The following EFEMP1 variants were observed in gnomAD, a reference collection of about 807,000 sequenced individuals.
EFEMP1 encodes the protein EGF-like fibulin extracellular matrix protein 1, also known as EGF-containing fibulin-like extracellular matrix protein 1.
Under a neutral mutation model 65.7 loss-of-function variants are expected in EFEMP1, and 18 were observed. That is an observed-to-expected ratio of 0.27 (90% confidence interval 0.19 to 0.41). The LOEUF is 0.41. Ranked by LOEUF, EFEMP1 falls within the 10% of genes least tolerant of loss-of-function variation. EFEMP1 has a pLI of 1.00. For missense variants in EFEMP1, 469 were observed against 624.8 expected (o/e 0.75, Z 2.66); for synonymous variants, 237 against 219.7 (o/e 1.08, Z -0.70).
rs1327740163 is a variant in EFEMP1 at position 55,886,571 on chromosome 2, C to A, written c.518-4837G>T. On this transcript the variant is annotated intron_variant, in intron 5 of 11. Coordinates refer to ENST00000355426, the MANE Select transcript of EFEMP1 (RefSeq NM_001039348.3). The surrounding 1 kb of genome is among the most constrained non-coding windows in gnomAD (Gnocchi z 4.0). ...AGAAAAATGGTCAAGGTAAAGGATT[C>A]ATGTTTGTTAGAAGGAAGAGCTTCT... Among the ~76,000 whole-genome samples, 1 of 152,166 alleles carries A rather than the reference C, an allele frequency of 6.6e-6. No homozygotes were observed. The highest frequency in any genetic ancestry group is 1.5e-5 in the Non-Finnish European group (1 of 67,998).
Position 55,871,387 on chromosome 2 carries a change from A to T in EFEMP1, c.1001-264T>A, listed in dbSNP as rs994326917. 2.0e-5 allele frequency among the ~76,000 whole-genome samples: 3 copies of T among 152,172 alleles called. No homozygotes were observed. The highest frequency in any genetic ancestry group is 4.4e-5 in the Non-Finnish European group (3 of 68,020). The stretch of plus-strand genomic sequence containing the variant: ...GTTCATCTGTTGAATTCAAACCCCA[A>T]TGTTAACCACTGACTCTGCCTATAT... On this transcript the variant is annotated intron_variant, in intron 9 of 11. Coordinates refer to ENST00000355426, the MANE Select transcript of EFEMP1 (RefSeq NM_001039348.3). This position sits in a 1 kb window ranked among gnomAD's most constrained non-coding sequence, Gnocchi z 4.2.
intron 5 of EFEMP1, among the ~76,000 whole-genome samples, chr2:55,898,139 G>C (rs543234227): frequency 6.6e-6 from 1 of 152,298 alleles, no homozygotes; most frequent in South Asian, 2.1e-4. Context: ...GAGGCAGAGA[G>C]GCTGATTGTT....
chr2:55,910,388 G>C (rs1156741707), intron 5 of EFEMP1, among the ~76,000 whole-genome samples: 1 of 152,190 alleles, frequency 6.6e-6, no homozygotes, highest in African/African-American at 2.4e-5. Flanking sequence ...ATGAATTTCA[G>C]ATGCGGTGTG....
At chr2:55,901,206 T>A (rs114632992) in intron 5 of EFEMP1, among the ~76,000 whole-genome samples, 3,176 of 152,320 alleles carry the variant, frequency 0.021, 58 homozygotes, top group South Asian at 0.07. Context: ...AATATTGGAA[T>A]GTCTAGGACA....
chr2:55,879,710 C>CTTGAAGTGT (rs1669170126), intron 6 of EFEMP1, among the ~76,000 whole-genome samples: 1 of 152,156 alleles, frequency 6.6e-6, no homozygotes, highest in South Asian at 2.1e-4. Flanking sequence ...CACCATGCTA[C>CTTGAAGTGT]TTGAAGTGTG....
At chr2:55,880,341 A>C (rs1433531610) in intron 6 of EFEMP1, among the ~76,000 whole-genome samples, 1 of 152,220 alleles carries the variant, frequency 6.6e-6, no homozygotes, top group Non-Finnish European at 1.5e-5. Flanking sequence ...GATTCACCCC[A>C]CACTAAGTTG....
chr2:55,884,404 CTATGA>C (rs1669351377), intron 5 of EFEMP1, among the ~76,000 whole-genome samples: 3 of 152,292 alleles, frequency 2.0e-5, no homozygotes, highest in Admixed American at 1.3e-4. Context: ...AGAAAGCTCA[CTATGA>C]TACAAAATTT....
At chr2:55,897,940 T>G (rs1669890289) in intron 5 of EFEMP1, among the ~76,000 whole-genome samples, 1 of 152,186 alleles carries the variant, frequency 6.6e-6, no homozygotes, top group African/African-American at 2.4e-5. Context: ...GCAAAAACCT[T>G]GTTACAATGA....
In EFEMP1 at chr2:55,920,251, T is replaced by C. The variant is rs145751611; in HGVS notation, c.82-1984A>G. On this transcript the variant is annotated intron_variant, in intron 3 of 11. Coordinates refer to ENST00000355426, the MANE Select transcript of EFEMP1 (RefSeq NM_001039348.3). The stretch of plus-strand genomic sequence containing the variant: ...AGAACCAGCACAGAGTTCTGTCTCC[T>C]CTAATATGCTGGCACCAACATTAAT... 1.5e-3 allele frequency among the ~76,000 whole-genome samples: 236 copies of C among 152,372 alleles called. 4 individuals are homozygous for C. The East Asian group carries it at 0.031, about 20-fold the overall frequency.
chr2:55,917,888 G>C lies in EFEMP1; in HGVS notation c.294C>G (p.Thr98=). ...TQPAEGTSGA[T]TGVVAASSMA... ...TGCTGCTGGCAGCTACAACCCCGGT[G>C]GTTGCCCCTGAGGTTCCTTCTGCTG... The change falls in exon 5 of 12, where the codon ACC becomes ACG. Residue 98 remains threonine, a synonymous_variant. Coordinates refer to ENST00000355426, the MANE Select transcript of EFEMP1 (RefSeq NM_001039348.3). The surrounding 1 kb of genome is among the most constrained non-coding windows in gnomAD (Gnocchi z 6.3). The C allele has an allele frequency of 6.2e-7, 1 of 1,614,232 alleles. No individual in the cohort carries two copies. Among genetic ancestry groups the C allele is most frequent in the Non-Finnish European group, 8.5e-7 (1 of 1,180,054 alleles).
At chr2:55,894,397 A>G (rs1669738819) in intron 5 of EFEMP1, among the ~76,000 whole-genome samples, 1 of 151,692 alleles carries the variant, frequency 6.6e-6, no homozygotes. Context: ...ATAGAGTTAA[A>G]TGCATATAAA....
At chr2:55,891,590 T>C (rs1401370346) in intron 5 of EFEMP1, among the ~76,000 whole-genome samples, 1 of 152,162 alleles carries the variant, frequency 6.6e-6, no homozygotes, top group Non-Finnish European at 1.5e-5. Flanking sequence ...AGTTAACTTT[T>C]ATACCTTTAC....
rs1668742159 is a variant in EFEMP1, at chr2:55,870,105, C to T, written c.1320+615G>A. On this transcript the variant is annotated intron_variant, in intron 11 of 11. Coordinates refer to ENST00000355426, the MANE Select transcript of EFEMP1 (RefSeq NM_001039348.3). This position sits in a 1 kb window ranked among gnomAD's most constrained non-coding sequence, Gnocchi z 5.8. ...TGAAAGATAGGGAGATGACTCCATA[C>T]TGCCAGCCCAGAAGTTGGCAAGAAT... Among the ~76,000 whole-genome samples the T allele has an allele frequency of 1.3e-5, 2 of 152,108 alleles. No homozygotes were observed. The highest frequency in any genetic ancestry group is 2.1e-4 in the South Asian group (1 of 4,832).
chr2:55,882,898 A>G (rs1305149874), intron 5 of EFEMP1, among the ~76,000 whole-genome samples: 1 of 152,076 alleles, frequency 6.6e-6, no homozygotes, highest in Non-Finnish European at 1.5e-5. Context: ...GAAAGAATCA[A>G]TAATAAAAAA....
chr2:55,875,333 T>TACACACACACACACACACAC lies in EFEMP1; in HGVS notation c.881-269_881-268insGTGTGTGTGTGTGTGTGTGT, dbSNP rs1340819904. Among the ~76,000 whole-genome samples the TACACACACACACACACACAC allele has an allele frequency of 3.5e-3, 439 of 126,886 alleles. 3 individuals are homozygous for TACACACACACACACACACAC. The highest frequency in any genetic ancestry group is 0.012 in the African/African-American group (368 of 31,846). The allele number at this position is 126,886 out of a possible 152,430, so 83.2% of individuals were successfully genotyped here. A position where few individuals can be genotyped will look rare whatever the true frequency, so the allele number is the denominator to read the frequency against. ...TTTCTTAAGTTGCCTGGGTTTCATA[T>TACACACACACACACACACAC]ATACACACACACACACACACACACA... On this transcript the variant is annotated intron_variant, in intron 8 of 11. Coordinates refer to ENST00000355426, the MANE Select transcript of EFEMP1 (RefSeq NM_001039348.3).
chr2:55,906,011 A>G (rs770686045), intron 5 of EFEMP1, among the ~76,000 whole-genome samples: 1 of 152,170 alleles, frequency 6.6e-6, no homozygotes, highest in Non-Finnish European at 1.5e-5. Context: ...CTAATTTACA[A>G]TAGTTTTGCT....
Position 55,923,476 on chromosome 2 carries a change from T to C in EFEMP1, c.-49+235A>G, listed in dbSNP as rs1015187915. ...TGGGCAAAGCCCTGCCGGCTGGTTG[T>C]CGGCGCGCACACACATGCCCATCCC... On this transcript the variant is annotated intron_variant, in intron 1 of 11. Coordinates refer to ENST00000355426, the MANE Select transcript of EFEMP1 (RefSeq NM_001039348.3). This position sits in a 1 kb window ranked among gnomAD's most constrained non-coding sequence, Gnocchi z 5.3. Among the ~76,000 whole-genome samples, 1 of 152,176 alleles carries C rather than the reference T, an allele frequency of 6.6e-6. No individual in the cohort carries two copies. Among genetic ancestry groups the C allele is most frequent in the Non-Finnish European group, 1.5e-5 (1 of 68,026 alleles).
At chr2:55,887,353 A>G (rs932434845) in intron 5 of EFEMP1, among the ~76,000 whole-genome samples, 1 of 152,170 alleles carries the variant, frequency 6.6e-6, no homozygotes, top group Non-Finnish European at 1.5e-5. Flanking sequence ...AGGGTTGTTA[A>G]TGTCACAGCA....
At chr2:55,882,871 T>C (rs1374305089) in intron 5 of EFEMP1, among the ~76,000 whole-genome samples, 2 of 152,116 alleles carry the variant, frequency 1.3e-5, no homozygotes, top group East Asian at 3.9e-4. Flanking sequence ...TGGTAGTATG[T>C]TGGAAGAAAA....
Sources: allele counts gnomAD v4.1 joint callset (sites outside exome capture counted in the v4.1 genomes callset), GRCh38; gene constraint gnomAD v4.1.1; non-coding constraint Gnocchi (gnomAD v3.1); transcripts MANE v1.5; gene names NCBI Gene and HGNC (gene_info 2026-07-23, HGNC 2026-07-21).